The following TRAIP variants were observed in gnomAD, a reference collection of about 807,000 sequenced individuals.
The protein encoded by TRAIP is E3 ubiquitin-protein ligase TRAIP.
In TRAIP, 37 loss-of-function variants were observed where a neutral mutation model predicts 65.0. That is an observed-to-expected ratio of 0.57 (90% CI 0.44 to 0.75). The LOEUF is 0.75. TRAIP is among the 30% of genes least tolerant of loss of function. The pLI is 0.00. For synonymous variants in TRAIP, 187 were observed against 219.1 expected, an observed-to-expected ratio of 0.85 and a Z score of 1.29; for missense variants, 481 against 579.4, an observed-to-expected ratio of 0.83 and a Z score of 1.74.
chr3:49,841,181 A>C, intron 7 of TRAIP, 109 bp from the exon 8 acceptor site: 8 of 918,814 alleles, frequency 8.7e-6, no homozygotes, highest in Non-Finnish European at 1.2e-5. Flanking sequence ...ACTCACTCTC[A>C]TTCCTACTTT....
At position 49,856,518 on chromosome 3, in the gene TRAIP, GC is replaced by G; in HGVS notation, c.-66del. The G allele has an allele frequency of 2.8e-6, 4 of 1,445,548 alleles. 1 individual carries two copies. The Middle Eastern group carries it at 5.4e-4, about 196-fold the overall frequency. The allele number at this position is 1,445,548 out of a possible 1,614,324, so 89.5% of individuals were successfully genotyped here. On this transcript the variant is annotated 5_prime_UTR_variant, in exon 1 of 15. Coordinates refer to ENST00000331456, the MANE Select transcript of TRAIP (RefSeq NM_005879.3). Reference sequence around the variant, plus strand: ...GCTACAGGTCCGGCTTCGTAGACGCGCCCCCGCGCCTCCGCTTGCTTCAAAT... The same window carrying G: ...GCTACAGGTCCGGCTTCGTAGACGCGCCCCGCGCCTCCGCTTGCTTCAAAT...
At chr3:49,855,962 T>C (rs1042758362) in intron 1 of TRAIP, among the ~76,000 whole-genome samples, 2 of 152,112 alleles carry the variant, frequency 1.3e-5, no homozygotes, top group Non-Finnish European at 2.9e-5. Context: ...TTCCAAACCA[T>C]CAAGTAAGGC....
rs148167088 is a variant in TRAIP, at chr3:49,850,866, A to AG, written c.99-2667dup. Among the ~76,000 whole-genome samples, 1,107 of 151,710 alleles carry AG rather than the reference A, an allele frequency of 7.3e-3. 114 individuals carry two copies. In the East Asian group the frequency reaches 0.19, roughly 26 times the overall value. The stretch of plus-strand genomic sequence containing the variant: ...GAGACAGGGTTTCACCATGTTGGCC[A>AG]GGCTGCTCTCAAACTCCTGATCCAC... On this transcript the variant is annotated intron_variant, in intron 1 of 14. Transcript: ENST00000331456.
intron 13 of TRAIP, 53 bp downstream of exon 13, chr3:49,829,564 C>A: frequency 3.1e-6 from 5 of 1,614,126 alleles, no homozygotes; most frequent in Non-Finnish European, 4.2e-6. Flanking sequence ...GGGCTGGCCA[C>A]CCATTTCTAC....
In TRAIP at chr3:49,842,482, C is replaced by G. The variant is rs750553496; in HGVS notation, c.474G>C (p.Arg158=). Residue 158 remains arginine (R), a synonymous_variant, in exon 6 of 15, where the codon CGG becomes CGC. Transcript: ENST00000331456. The part of the protein sequence containing the change: ...ETKQAQEEAR[R]LRSKMKTMEQ... ...CCATGGTCTTCATCTTGCTCCTGAG[C>G]CGGCGGGCCTCCTCTTGTGCTTGTT... 7 of 1,613,876 alleles carry G rather than the reference C, an allele frequency of 4.3e-6. No homozygotes were observed. The highest frequency in any genetic ancestry group is 5.9e-6 in the Non-Finnish European group (7 of 1,179,994).
chr3:49,855,094 A>G (rs1384793001), intron 1 of TRAIP, among the ~76,000 whole-genome samples: 1 of 152,114 alleles, frequency 6.6e-6, no homozygotes, highest in Non-Finnish European at 1.5e-5. Context: ...TCTTTGCAGT[A>G]AGCTAAAGTA....
intron 4 of TRAIP, 145 bp downstream of exon 4, chr3:49,844,396 A>T: frequency 1.1e-6 from 1 of 888,444 alleles, no homozygotes; most frequent in Non-Finnish European, 1.7e-6. Flanking sequence ...TCTGCCCACC[A>T]CAACAGCTAG....
intron 1 of TRAIP, among the ~76,000 whole-genome samples, chr3:49,853,930 A>G (rs1206767930): frequency 6.6e-6 from 1 of 152,162 alleles, no homozygotes; most frequent in East Asian, 1.9e-4. Context: ...AAAAAAGTTC[A>G]ATCCTGCAAG....
Position 49,833,034 on chromosome 3 carries a change from T to TC in TRAIP, c.885-967dup, listed in dbSNP as rs144846855. Among the ~76,000 whole-genome samples the TC allele has an allele frequency of 3.3e-3, 496 of 152,118 alleles. 4 individuals are homozygous for TC. Among genetic ancestry groups the TC allele is most frequent in the African/African-American group, 0.011 (461 of 41,500 alleles). ...CAGGACCCTAGAAGCTCTACCTCTG[T>TC]CCCCGCCTGCAAGTTAAAATGAAGA... On this transcript the variant is annotated intron_variant, in intron 10 of 14. Transcript: ENST00000331456.
intron 4 of TRAIP, 28 bp downstream of exon 4, chr3:49,844,513 C>T: frequency 1.9e-6 from 3 of 1,612,888 alleles, no homozygotes; most frequent in Non-Finnish European, 2.5e-6. Flanking sequence ...AGGGGCTTCC[C>T]AGCACCCCTC....
At chr3:49,850,020 C>T (rs2081917605) in intron 1 of TRAIP, among the ~76,000 whole-genome samples, 1 of 151,516 alleles carries the variant, frequency 6.6e-6, no homozygotes, top group Non-Finnish European at 1.5e-5. Context: ...CTAAAATTCC[C>T]ATAAGTTTTC....
intron 1 of TRAIP, among the ~76,000 whole-genome samples, chr3:49,848,769 G>A (rs1233562144): frequency 6.6e-6 from 1 of 152,002 alleles, no homozygotes; most frequent in East Asian, 1.9e-4. Flanking sequence ...TGTTTACCCT[G>A]AAGTGATTAT....
intron 1 of TRAIP, among the ~76,000 whole-genome samples, chr3:49,853,673 G>A (rs535819673): frequency 2.0e-5 from 3 of 151,744 alleles, no homozygotes. Context: ...GTGAAACTCT[G>A]CCTCTACTAA....
rs202202202 is a variant in TRAIP, at chr3:49,829,451, A to G, written c.1287+7T>C. On this transcript the variant is annotated splice_region_variant and intron_variant, in intron 14 of 14. Transcript: ENST00000331456. The stretch of plus-strand genomic sequence containing the variant: ...CAGCTCAGCTCAACATCACAGGAAA[A>G]GGATACAGGCTGGATGAATTTTGTC... 1 of 1,614,090 alleles carries G rather than the reference A, an allele frequency of 6.2e-7. No individual in the cohort carries two copies. Among genetic ancestry groups the G allele is most frequent in the East Asian group, 2.2e-5 (1 of 44,876 alleles).
chr3:49,832,046 G>C lies in TRAIP; in HGVS notation c.907C>G (p.Leu303Val). 4 of 1,598,890 alleles carry C rather than the reference G, an allele frequency of 2.5e-6. No homozygotes were observed. Among genetic ancestry groups the C allele is most frequent in the Non-Finnish European group, 3.4e-6 (4 of 1,172,378 alleles). Residue 303 changes from leucine to valine, a missense_variant, in exon 11 of 15, where the codon CTG becomes GTG. Transcript: ENST00000331456. The part of the protein sequence containing the change: ...LESPAPVEVN[L>V]KLRRPSFRDD... ...CGGAAGGATGGCCGGCGGAGCTTCA[G>C]ATTCACCTCCACAGGGGCTGGGCTG...
intron 3 of TRAIP, 118 bp from the exon 4 acceptor site, chr3:49,844,698 T>A: frequency 8.9e-7 from 1 of 1,125,926 alleles, no homozygotes; most frequent in Non-Finnish European, 1.3e-6. Context: ...AGGGCATGAA[T>A]CCTGCAGTGC....
chr3:49,844,417 G>C, intron 4 of TRAIP, 124 bp downstream of exon 4: 1 of 1,042,842 alleles, frequency 9.6e-7, no homozygotes. Flanking sequence ...CAGGACTCTT[G>C]GACATACAAA....
chr3:49,849,840 CTTTTTTTTTT>C (rs1185587392), intron 1 of TRAIP, among the ~76,000 whole-genome samples: 5 of 89,870 alleles, frequency 5.6e-5, no homozygotes, highest in African/African-American at 9.5e-5. Flanking sequence ...CTTTTCTTTT[CTTTTTTTTTT>C]TTTTTTTTTT....
chr3:49,831,016 G>A (rs574942852), intron 11 of TRAIP, among the ~76,000 whole-genome samples: 9 of 152,318 alleles, frequency 5.9e-5, no homozygotes, highest in East Asian at 3.9e-4. Flanking sequence ...CCTTTACAGC[G>A]GAAGAAGGGC....
Sources: allele counts gnomAD v4.1 joint callset (sites outside exome capture counted in the v4.1 genomes callset), GRCh38; gene constraint gnomAD v4.1.1; transcripts MANE v1.5; gene names NCBI Gene and HGNC (gene_info 2026-07-23, HGNC 2026-07-21).